Variants in SEC16B observed in about 807,000 individuals in gnomAD.
SEC16B encodes the protein protein transport protein Sec16B.
SEC16B carries 115 observed loss-of-function variants against 141.8 expected under a neutral mutation model. The observed-to-expected ratio is 0.81, with a 90% CI of 0.70 to 0.95. The LOEUF (loss-of-function observed/expected upper bound fraction) is 0.95, where lower values mean the gene tolerates loss of function less well. Among genes scored for constraint, SEC16B ranks in the 40% least tolerant of loss-of-function variants. The pLI is 0.00. For missense variants in SEC16B, 1,291 were observed against 1,312.3 expected, an observed-to-expected ratio of 0.98 and a Z score of 0.25; for synonymous variants, 493 against 492.5, an observed-to-expected ratio of 1.00 and a Z score of -0.01.
chr1:177,960,177 T>C (rs1652945251), intron 8 of SEC16B, 165 bp downstream of exon 8: 6 of 599,904 alleles, frequency 1.0e-5, no homozygotes, highest in Admixed American at 3.0e-5. Flanking sequence ...TCAAAATGAC[T>C]CAGGCCACAT....
upstream of SEC16B, among the ~76,000 whole-genome samples, chr1:177,974,904 G>A (rs1269454110): frequency 6.6e-6 from 1 of 152,180 alleles, no homozygotes; most frequent in East Asian, 1.9e-4. Flanking sequence ...CAGAGCACAG[G>A]AACAAAAGTT....
rs74128489 is a variant in SEC16B, at chr1:177,946,017, A to G, written c.1775+403T>C. ...GAGGGACTAAACATAAACTTCTTCCATTTTCCAGTTTTGCCTGGGTAGGCT... is the reference window on the plus strand; with the variant it reads ...GAGGGACTAAACATAAACTTCTTCCGTTTTCCAGTTTTGCCTGGGTAGGCT... On this transcript the variant is annotated intron_variant, in intron 14 of 25. Coordinates refer to ENST00000308284, the MANE Select transcript of SEC16B (RefSeq NM_033127.4). 439 of 380,138 alleles carry G rather than the reference A, an allele frequency of 1.2e-3. 1 individual carries two copies. The highest frequency in any genetic ancestry group is 8.3e-3 in the African/African-American group (406 of 48,850). 23.5% of individuals were successfully genotyped at this position (380,138 alleles called of 1,614,324 possible).
chr1:177,966,720 G>A (rs766609671), intron 2 of SEC16B, among the ~76,000 whole-genome samples: 3 of 151,762 alleles, frequency 2.0e-5, no homozygotes, highest in East Asian at 1.9e-4. Context: ...GCACCACCGC[G>A]CCCAGCTAAT....
At chr1:177,946,555 C>T in intron 13 of SEC16B, 24 bp from the exon 14 acceptor site, 1 of 1,534,952 alleles carries the variant, frequency 6.5e-7, no homozygotes, top group South Asian at 1.2e-5. Context: ...AGAACAAGAC[C>T]CAATCACGGA....
intron 22 of SEC16B, 136 bp from the exon 23 acceptor site, chr1:177,932,942 C>T (rs955735769): frequency 3.7e-6 from 3 of 806,544 alleles, no homozygotes; most frequent in Non-Finnish European, 6.1e-6. Context: ...AACCCCCCTC[C>T]TCATCCCACT....
chr1:177,944,583 T>G lies in SEC16B; in HGVS notation c.1859A>C (p.Lys620Thr). The G allele has an allele frequency of 6.2e-7, 1 of 1,613,724 alleles. No homozygotes were observed. Among genetic ancestry groups the G allele is most frequent in the East Asian group, 2.2e-5 (1 of 44,868 alleles). Residue 620 changes from lysine (K) to threonine (T), a missense_variant, in exon 15 of 26, where the codon AAA becomes ACA. Physicochemically the swap from Lys to Thr is moderately conservative, Grantham distance 78. Coordinates refer to ENST00000308284, the MANE Select transcript of SEC16B (RefSeq NM_033127.4). ...TACCTGGAAAGAAGGGATGAAGGAT[T>G]TGGGGCGGCCCAGCATCTGACAGTA... ...FEYCQMLGRP[K>T]SFIPSFQVYK...
At chr1:177,965,600 T>A (rs2101997538) in intron 3 of SEC16B, among the ~76,000 whole-genome samples, 1 of 152,302 alleles carries the variant, frequency 6.6e-6, no homozygotes. Context: ...TGTTACTTGG[T>A]CAAAGACTAT....
intron 4 of SEC16B, among the ~76,000 whole-genome samples, 178 bp downstream of exon 4, chr1:177,964,869 A>G (rs1489017291): frequency 6.6e-6 from 1 of 152,202 alleles, no homozygotes; most frequent in African/African-American, 2.4e-5. Flanking sequence ...CTCCCTTCCC[A>G]GGGTCCATAT....
chr1:177,960,364 T>C lies in SEC16B; in HGVS notation c.976A>G (p.Ser326Gly), dbSNP rs1473758626. 1.2e-6 allele frequency: 2 copies of C among 1,605,676 alleles called. No individual in the cohort carries two copies. The highest frequency in any genetic ancestry group is 2.7e-5 in the African/African-American group (2 of 74,822). ...TACCTAATCAAGGGTCCTGAGAAAC[T>C]TCTCATCTCCTCTTGCTCTTCGGAA... ...NDSEEQEEMR[S>G]FSGPLIREDV... The change falls in exon 8 of 26, where the codon AGT (serine) becomes GGT (glycine). Residue 326 changes from serine to glycine, a missense_variant. Physicochemically the swap from Ser to Gly is moderately conservative, Grantham distance 56. This residue lies in a region of SEC16B where 681 missense variants were observed against 675.5 expected (regional missense o/e 1.01). Transcript: ENST00000308284.
At chr1:177,936,468 A>C in intron 19 of SEC16B, 103 bp from the exon 20 acceptor site, 1 of 981,938 alleles carries the variant, frequency 1.0e-6, no homozygotes. Context: ...TAACTGCAGC[A>C]GAAGCTCGGA....
Position 177,965,099 on chromosome 1 carries a change from G to GAAAGGTACATT in SEC16B, c.480_481insAATGTACCTTT (p.His161AsnfsTer117), listed in dbSNP as rs1269602063. On this transcript the variant is annotated frameshift_variant, in exon 4 of 26. Coordinates refer to ENST00000308284, the MANE Select transcript of SEC16B (RefSeq NM_033127.4). LOFTEE classifies it high-confidence loss of function. ...AATGGACTGTGCTGGTTTTCATAATGATGTTCATCAAGGTACTTTTGCTCT... is the reference window on the plus strand; with the variant it reads ...AATGGACTGTGCTGGTTTTCATAATGAAAGGTACATTATGTTCATCAAGGTACTTTTGCTCT... 7 of 1,613,410 alleles carry GAAAGGTACATT rather than the reference G, an allele frequency of 4.3e-6. No homozygotes were observed. Among genetic ancestry groups the GAAAGGTACATT allele is most frequent in the Non-Finnish European group, 5.9e-6 (7 of 1,179,752 alleles).
At chr1:177,939,223 T>C (rs1161998132) in intron 18 of SEC16B, among the ~76,000 whole-genome samples, 1 of 152,208 alleles carries the variant, frequency 6.6e-6, no homozygotes, top group African/African-American at 2.4e-5. Context: ...CAACACACCA[T>C]TGGGAATCAT....
intron 1 of SEC16B, among the ~76,000 whole-genome samples, chr1:177,979,809 A>G (rs1031038807): frequency 1.3e-5 from 2 of 152,180 alleles, no homozygotes; most frequent in Non-Finnish European, 2.9e-5. Flanking sequence ...AGGCAAAGAG[A>G]GAGCTTGTGT....
chr1:177,929,454 T>C lies in SEC16B; in HGVS notation c.*404A>G, dbSNP rs966164494. On this transcript the variant is annotated 3_prime_UTR_variant, in exon 26 of 26. Coordinates refer to ENST00000308284, the MANE Select transcript of SEC16B (RefSeq NM_033127.4). ...AAGTAGTCAAAGTTGGTCTAGAATATTGTTCTGAGCCCCTGCCCCTCCCCC... is the reference window on the plus strand; with the variant it reads ...AAGTAGTCAAAGTTGGTCTAGAATACTGTTCTGAGCCCCTGCCCCTCCCCC... 4.7e-6 allele frequency: 1 copy of C among 214,518 alleles called. No homozygotes were observed. Among genetic ancestry groups the C allele is most frequent in the Admixed American group, 5.2e-5 (1 of 19,358 alleles). The allele number at this position is 214,518 out of a possible 1,614,324, so 13.3% of individuals were successfully genotyped here.
chr1:177,930,591 G>C lies in SEC16B; in HGVS notation c.3065C>G (p.Ala1022Gly). The C allele has an allele frequency of 6.2e-7, 1 of 1,613,794 alleles. No individual in the cohort carries two copies. Among genetic ancestry groups the C allele is most frequent in the Non-Finnish European group, 8.5e-7 (1 of 1,179,828 alleles). Reference protein sequence around the residue: ...SNPGVLLPPPALKGAVPLYNP... With the variant: ...SNPGVLLPPPGLKGAVPLYNP... ...GTAAAGAGGAACAGCCCCTTTTAAGGCAGGTGGAGGAAGAAGAACACCAGG... is the reference window on the plus strand; with the variant it reads ...GTAAAGAGGAACAGCCCCTTTTAAGCCAGGTGGAGGAAGAAGAACACCAGG... The change falls in exon 25 of 26, where the codon GCC (alanine) becomes GGC (glycine). Residue 1022 changes from alanine to glycine, a missense_variant. This residue lies in a region of SEC16B where 605 missense variants were observed against 614.1 expected (regional missense o/e 0.99). Coordinates refer to ENST00000308284, the MANE Select transcript of SEC16B (RefSeq NM_033127.4).
intron 15 of SEC16B, 33 bp downstream of exon 15, chr1:177,944,518 CTGCCTGACAG>C: frequency 6.7e-7 from 1 of 1,496,614 alleles, no homozygotes; most frequent in Non-Finnish European, 9.2e-7. Context: ...CTGCCTGCAG[CTGCCTGACAG>C]TGACGGTGGT....
At chr1:177,973,129 T>G (rs1348380954), upstream of SEC16B, 2 of 152,220 alleles carry the variant, frequency 1.3e-5, no homozygotes, top group African/African-American at 4.8e-5. Flanking sequence ...AAAAGTATTA[T>G]CACTGTTAAT....
intron 1 of SEC16B, among the ~76,000 whole-genome samples, chr1:177,977,562 T>C (rs1435577415): frequency 1.3e-5 from 2 of 152,152 alleles, no homozygotes; most frequent in Non-Finnish European, 2.9e-5. Flanking sequence ...CACAACCCAG[T>C]ATTTTAGAGT....
At chr1:177,935,656 A>C (rs950165303) in intron 20 of SEC16B, among the ~76,000 whole-genome samples, 3 of 142,556 alleles carry the variant, frequency 2.1e-5, no homozygotes, top group South Asian at 2.3e-4. Flanking sequence ...GTACCACTTC[A>C]GTCAGGAAAA....
Sources: gnomAD v4.1 joint callset for allele counts (sites outside exome capture counted in the v4.1 genomes callset) on GRCh38, gnomAD v4.1.1 for gene constraint, gnomAD v4.1.1 regional missense constraint, MANE v1.5 for transcripts, NCBI Gene and HGNC (gene_info 2026-07-23, HGNC 2026-07-21) for gene names.